The following BRMS1L variants were observed in gnomAD, a reference collection of about 807,000 sequenced individuals.
The protein encoded by BRMS1L is breast cancer metastasis-suppressor 1-like protein.
A neutral mutation model predicts 50.3 loss-of-function variants in BRMS1L; 23 were observed. The ratio of observed to expected loss-of-function variants is 0.46; its 90% confidence interval spans 0.33 to 0.65. BRMS1L has a LOEUF of 0.65. BRMS1L is among the 30% of genes least tolerant of loss of function. The pLI, the probability that BRMS1L is intolerant of heterozygous loss-of-function variation, is 0.02. For missense variants in BRMS1L, 286 were observed against 386.1 expected, an observed-to-expected ratio of 0.74 and a Z score of 2.17; for synonymous variants, 114 against 126.9, an observed-to-expected ratio of 0.90 and a Z score of 0.69.
intron 4 of BRMS1L, among the ~76,000 whole-genome samples, chr14:35,844,794 AT>A (rs1309349198): frequency 3.3e-5 from 5 of 152,044 alleles, no homozygotes; most frequent in African/African-American, 1.2e-4. Context: ...ATTACTTTTT[AT>A]TTTTTGCTGC....
chr14:35,854,973 C>T (rs186014034), intron 4 of BRMS1L, among the ~76,000 whole-genome samples: 8 of 152,266 alleles, frequency 5.3e-5, no homozygotes, highest in African/African-American at 1.9e-4. Flanking sequence ...AAAAACTTTT[C>T]CCCCCCTCTT....
chr14:35,859,553 G>A lies in BRMS1L; in HGVS notation c.442-3037G>A, dbSNP rs537782876. Among the ~76,000 whole-genome samples the A allele has an allele frequency of 5.3e-5, 8 of 152,152 alleles. No homozygotes were observed. The South Asian group carries it at 1.5e-3, about 28-fold the overall frequency. ...GGATCTTCTCTTTATTCTTGTCTTG[G>A]TATTGTGGGATTGTGAGATGATGTG... is the stretch of plus-strand genomic sequence containing the variant. On this transcript the variant is annotated intron_variant, in intron 4 of 9. Transcript: ENST00000216807.
At position 35,870,851 on chromosome 14, in the gene BRMS1L, G is replaced by A. The variant is rs941808017; in HGVS notation, c.*374G>A. On this transcript the variant is annotated 3_prime_UTR_variant, in exon 10 of 10. Transcript: ENST00000216807. ...ATTTTCCATATCTTTGTCATTCATTGTGTGTTTGTAAATAAGGCCGATAGA... is the reference window on the plus strand; with the variant it reads ...ATTTTCCATATCTTTGTCATTCATTATGTGTTTGTAAATAAGGCCGATAGA... 6 of 157,828 alleles carry A rather than the reference G, an allele frequency of 3.8e-5. No individual in the cohort carries two copies. Among genetic ancestry groups the A allele is most frequent in the African/African-American group, 1.4e-4 (6 of 41,456 alleles). 9.8% of individuals were successfully genotyped at this position (157,828 alleles called of 1,614,324 possible).
intron 4 of BRMS1L, among the ~76,000 whole-genome samples, chr14:35,845,274 G>A (rs1277060830): frequency 6.6e-6 from 1 of 152,202 alleles, no homozygotes; most frequent in Admixed American, 6.5e-5. Flanking sequence ...TGGAAGCAGT[G>A]AAAGCAATCA....
At chr14:35,833,339 G>T (rs2077950211) in intron 3 of BRMS1L, among the ~76,000 whole-genome samples, 1 of 150,298 alleles carries the variant, frequency 6.7e-6, no homozygotes, top group Non-Finnish European at 1.5e-5. Context: ...TTACAGTGTT[G>T]TTGAGAAGAT....
intron 4 of BRMS1L, among the ~76,000 whole-genome samples, chr14:35,861,091 A>G (rs551207915): frequency 6.6e-6 from 1 of 152,316 alleles, no homozygotes; most frequent in Admixed American, 6.5e-5. Context: ...GAGAAAAGGG[A>G]GAGAACTTTC....
chr14:35,826,707 C>G (rs1185712945), intron 1 of BRMS1L, 49 bp downstream of exon 1: 1 of 1,596,434 alleles, frequency 6.3e-7, no homozygotes, highest in South Asian at 1.1e-5. Context: ...CAGCGCGCGA[C>G]AGGCCGCTCT....
intron 1 of BRMS1L, among the ~76,000 whole-genome samples, chr14:35,828,329 C>T (rs1421513766): frequency 6.6e-6 from 1 of 151,074 alleles, no homozygotes; most frequent in Non-Finnish European, 1.5e-5. Flanking sequence ...GGTGCCACCA[C>T]ACCAAGCTAA....
chr14:35,827,459 T>C (rs2142033577), intron 1 of BRMS1L, among the ~76,000 whole-genome samples: 1 of 152,346 alleles, frequency 6.6e-6, no homozygotes, highest in African/African-American at 2.4e-5. Flanking sequence ...TGAGACTGAC[T>C]TCTTTGTCTT....
chr14:35,863,214 G>A (rs2078376337), intron 5 of BRMS1L, among the ~76,000 whole-genome samples: 1 of 152,312 alleles, frequency 6.6e-6, no homozygotes, highest in Non-Finnish European at 1.5e-5. Context: ...ATCATACAAG[G>A]TAGGACAAAC....
chr14:35,850,735 C>T (rs2078200826), intron 4 of BRMS1L, among the ~76,000 whole-genome samples: 1 of 152,110 alleles, frequency 6.6e-6, no homozygotes, highest in Non-Finnish European at 1.5e-5. Context: ...CTTTAATCTG[C>T]TTTGATTTTA....
chr14:35,856,964 G>T (rs2142057240), intron 4 of BRMS1L, among the ~76,000 whole-genome samples: 2 of 152,090 alleles, frequency 1.3e-5, no homozygotes, highest in East Asian at 3.9e-4. Flanking sequence ...GTTGTGGCCG[G>T]GCACGGTGGC....
intron 4 of BRMS1L, among the ~76,000 whole-genome samples, chr14:35,856,611 T>TGGG (rs367579267): frequency 0.016 from 2,407 of 149,004 alleles, 56 homozygotes; most frequent in African/African-American, 0.044. Flanking sequence ...TACATTTTTT[T>TGGG]GGGGGGGGGT....
At chr14:35,852,916 G>A (rs1322058190) in intron 4 of BRMS1L, among the ~76,000 whole-genome samples, 2 of 151,780 alleles carry the variant, frequency 1.3e-5, no homozygotes, top group Non-Finnish European at 1.5e-5. Flanking sequence ...GGGCGAAAGA[G>A]CGAGGCTCCG....
At chr14:35,854,959 C>T (rs984243254) in intron 4 of BRMS1L, among the ~76,000 whole-genome samples, 5 of 152,246 alleles carry the variant, frequency 3.3e-5, no homozygotes, top group Non-Finnish European at 5.9e-5. Context: ...GACATACTTT[C>T]AGGAAAAACT....
At chr14:35,856,732 G>A (rs1020197415) in intron 4 of BRMS1L, among the ~76,000 whole-genome samples, 6 of 151,804 alleles carry the variant, frequency 4.0e-5, no homozygotes, top group Non-Finnish European at 5.9e-5. Flanking sequence ...GTGCCTCAAC[G>A]TCCTGAGTAG....
chr14:35,833,156 G>A (rs373097362), intron 3 of BRMS1L, 51 bp downstream of exon 3: 1 of 1,532,258 alleles, frequency 6.5e-7, no homozygotes, highest in African/African-American at 1.4e-5. Context: ...CTCTTCAGTA[G>A]CTTTAAAAGG....
chr14:35,837,074 A>G (rs2078004477), intron 4 of BRMS1L, among the ~76,000 whole-genome samples: 1 of 151,040 alleles, frequency 6.6e-6, no homozygotes, highest in African/African-American at 2.4e-5. Flanking sequence ...GACCAATATG[A>G]TGAAACCCTG....
At position 35,865,748 on chromosome 14, in the gene BRMS1L, A is replaced by G; in HGVS notation, c.714A>G (p.Arg238=). ...CAATGGCTACATTGGGGCCACACAG[A>G]GTGAAAACGGAACGTAAGTCATTTA... ...RKAMATLGPH[R]VKTEPPVKLE... is the part of the protein sequence containing the mutation. Residue 238 remains arginine, a synonymous_variant, in exon 8 of 10, where the codon AGA becomes AGG. Transcript: ENST00000216807. 1 of 1,598,772 alleles carries G rather than the reference A, an allele frequency of 6.3e-7. No homozygotes were observed.
Sources: allele counts gnomAD v4.1 joint callset (sites outside exome capture counted in the v4.1 genomes callset), GRCh38; gene constraint gnomAD v4.1.1; transcripts MANE v1.5; gene names NCBI Gene and HGNC (gene_info 2026-07-23, HGNC 2026-07-21).